Variants in SAP30L observed in about 807,000 individuals in gnomAD.
SAP30L encodes the protein histone deacetylase complex subunit SAP30L.
In SAP30L, 10 loss-of-function variants were observed where a neutral mutation model predicts 22.3. That is an observed-to-expected ratio of 0.45 (90% CI 0.28 to 0.76). The LOEUF is 0.76. Among genes scored for constraint, SAP30L ranks in the 30% least tolerant of loss-of-function variants. SAP30L has a pLI of 0.14. For missense variants in SAP30L, 206 were observed against 237.9 expected (o/e 0.87, Z 0.88); for synonymous variants, 91 against 94.1 (o/e 0.97, Z 0.19).
In SAP30L at chr5:154,457,560, A is replaced by G. The variant is rs1757289696; in HGVS notation, c.*1532A>G. ...ACTGAGCAGGGCGGCGGAGTGTCCA[A>G]AGGTCTCAGTTCTGTGGAGCAGAGT... On this transcript the variant is annotated 3_prime_UTR_variant, in exon 4 of 4. Coordinates refer to ENST00000297109, the MANE Select transcript of SAP30L (RefSeq NM_024632.6). The G allele has an allele frequency of 6.6e-6, 1 of 152,222 alleles. No homozygotes were observed. Among genetic ancestry groups the G allele is most frequent in the Non-Finnish European group, 1.5e-5 (1 of 68,050 alleles). The allele number at this position is 152,222 out of a possible 1,614,324, so 9.4% of individuals were successfully genotyped here. A position where few individuals can be genotyped will look rare whatever the true frequency, so the allele number is the denominator to read the frequency against.
intron 1 of SAP30L, among the ~76,000 whole-genome samples, chr5:154,449,427 C>G (rs1757093561): frequency 6.6e-6 from 1 of 152,180 alleles, no homozygotes; most frequent in Admixed American, 6.5e-5. Context: ...TGGGATTGCA[C>G]TAGTGATTGC....
At chr5:154,447,822 T>C (rs1757053301) in intron 1 of SAP30L, among the ~76,000 whole-genome samples, 1 of 152,124 alleles carries the variant, frequency 6.6e-6, no homozygotes, top group South Asian at 2.1e-4. Flanking sequence ...AGTGAGGGTG[T>C]CAGGTACACA....
At chr5:154,454,921 ATT>A (rs774810806) in intron 3 of SAP30L, among the ~76,000 whole-genome samples, 3 of 145,324 alleles carry the variant, frequency 2.1e-5, no homozygotes, top group African/African-American at 2.5e-5. Context: ...ATTTAACACA[ATT>A]TTTTTTTTTT....
rs761602893 is a variant in SAP30L at position 154,450,981 on chromosome 5, A to G, written c.202-110A>G. The G allele has an allele frequency of 2.6e-6, 3 of 1,157,392 alleles. No homozygotes were observed. In the Admixed American group the frequency reaches 6.1e-5, roughly 23 times the overall value. The allele number at this position is 1,157,392 out of a possible 1,614,324, so 71.7% of individuals were successfully genotyped here. On this transcript the variant is annotated intron_variant, in intron 1 of 3. Coordinates refer to ENST00000297109, the MANE Select transcript of SAP30L (RefSeq NM_024632.6). ...AATGATGGCCTACATCTTGTCTTCC[A>G]TCTATCTCTCCAATGCCCTGCAATG... is the stretch of plus-strand genomic sequence containing the variant.
intron 2 of SAP30L, among the ~76,000 whole-genome samples, chr5:154,451,995 T>G (rs2113274332): frequency 6.6e-6 from 1 of 152,310 alleles, no homozygotes. Flanking sequence ...CTGCCTTCCC[T>G]TCAGGTGCCC....
intron 2 of SAP30L, among the ~76,000 whole-genome samples, chr5:154,451,617 A>G (rs948090355): frequency 6.6e-6 from 1 of 152,156 alleles, no homozygotes; most frequent in Non-Finnish European, 1.5e-5. Flanking sequence ...TCCCCAAAAA[A>G]TGAAGGTGTA....
Position 154,456,011 on chromosome 5 carries a change from G to A in SAP30L, c.535G>A (p.Gly179Ser), listed in dbSNP as rs1280622717. ...KSRLDQKSEG[G>S]KQLE ...TAGACTGGACCAGAAATCGGAGGGT[G>A]GCAAGCAGCTTGAGTGAGGATGAAG... Residue 179 changes from glycine (G) to serine (S), a missense_variant, in exon 4 of 4, where the codon GGC (glycine) becomes AGC (serine). Transcript: ENST00000297109. The A allele has an allele frequency of 1.2e-6, 2 of 1,613,910 alleles. No individual in the cohort carries two copies. The highest frequency in any genetic ancestry group is 1.7e-4 in the Middle Eastern group (1 of 6,060).
intron 2 of SAP30L, among the ~76,000 whole-genome samples, chr5:154,452,118 A>G (rs988144530): frequency 6.6e-6 from 1 of 152,194 alleles, no homozygotes; most frequent in African/African-American, 2.4e-5. Flanking sequence ...TGAATATTTG[A>G]CACATGAATA....
Position 154,446,756 on chromosome 5 carries a change from T to G in SAP30L, c.152T>G (p.Val51Gly). The G allele has an allele frequency of 6.2e-7, 1 of 1,607,020 alleles. No individual in the cohort carries two copies. The highest frequency in any genetic ancestry group is 8.5e-7 in the Non-Finnish European group (1 of 1,178,454). ...PAGNASFSKRVQKSISQKKLK... is the reference protein window; with the variant it reads ...PAGNASFSKRGQKSISQKKLK... ...GGCAACGCCTCCTTCAGCAAGAGGG[T>G]CCAGAAGAGCATCTCGCAGAAGAAA... is the stretch of plus-strand genomic sequence containing the variant. Residue 51 changes from valine (V) to glycine (G), a missense_variant, in exon 1 of 4, where the codon GTC becomes GGC. By Grantham distance (109) the Val-to-Gly change is moderately radical. This residue lies in a region of SAP30L where 136 missense variants were observed against 187.4 expected (regional missense o/e 0.73). Transcript: ENST00000297109.
At position 154,453,445 on chromosome 5, in the gene SAP30L, A is replaced by G. The variant is rs1757195356; in HGVS notation, c.368A>G (p.Lys123Arg). The G allele has an allele frequency of 6.2e-7, 1 of 1,613,348 alleles. No homozygotes were observed. The highest frequency in any genetic ancestry group is 8.5e-7 in the Non-Finnish European group (1 of 1,179,544). The stretch of plus-strand genomic sequence containing the variant: ...CAGGTGAACACCCTACGACGTTATA[A>G]ACGACACTACAAGTTGCAGACCAGA... ...QLQVNTLRRY[K>R]RHYKLQTRPG... The change falls in exon 3 of 4, where the codon AAA (lysine) becomes AGA (arginine). Residue 123 changes from lysine (K) to arginine (R), a missense_variant. Lys to Arg is a conservative substitution (Grantham distance 26, BLOSUM62 2). Around this residue, in one of 2 missense-constraint regions of SAP30L, gnomAD observed 136 missense variants for 187.4 expected, o/e 0.73. Transcript: ENST00000297109.
intron 1 of SAP30L, 69 bp from the exon 2 acceptor site, chr5:154,451,022 A>G (rs1232001952): frequency 7.7e-6 from 12 of 1,564,054 alleles, no homozygotes; most frequent in Non-Finnish European, 1.1e-5. Flanking sequence ...AAGCCCCGCA[A>G]TTCGACAGAT....
At position 154,446,594 on chromosome 5, in the gene SAP30L, G is replaced by T; in HGVS notation, c.-11G>T. ...GACCCTCCCCCAGAGGGACCGGCCC[G>T]GGGCGGGGAGATGAACGGCTTCAGC... is the stretch of plus-strand genomic sequence containing the variant. On this transcript the variant is annotated 5_prime_UTR_variant, in exon 1 of 4. Coordinates refer to ENST00000297109, the MANE Select transcript of SAP30L (RefSeq NM_024632.6). 9 of 1,467,050 alleles carry T rather than the reference G, an allele frequency of 6.1e-6. No individual in the cohort carries two copies. Among genetic ancestry groups the T allele is most frequent in the Non-Finnish European group, 8.1e-6 (9 of 1,113,676 alleles). 90.9% of individuals were successfully genotyped at this position (1,467,050 alleles called of 1,614,324 possible). A position where few individuals can be genotyped will look rare whatever the true frequency, so the allele number is the denominator to read the frequency against.
rs1455846927 is a variant in SAP30L, at chr5:154,451,204, C to T, written c.315C>T (p.Asp105=). ...GAGATTCTCCCGAGCACGACACTGACATTCCTGAGGTAAAGGTCAAAGAAA... is the reference window on the plus strand; with the variant it reads ...GAGATTCTCCCGAGCACGACACTGATATTCCTGAGGTAAAGGTCAAAGAAA... The part of the protein sequence containing the change: ...DGGDSPEHDT[D]IPEVDLFQLQ... Residue 105 remains aspartate, a synonymous_variant, in exon 2 of 4, where the codon GAC becomes GAT. Coordinates refer to ENST00000297109, the MANE Select transcript of SAP30L (RefSeq NM_024632.6). 3 of 1,613,672 alleles carry T rather than the reference C, an allele frequency of 1.9e-6. No individual in the cohort carries two copies. Among genetic ancestry groups the T allele is most frequent in the African/African-American group, 1.3e-5 (1 of 74,894 alleles).
intron 1 of SAP30L, among the ~76,000 whole-genome samples, chr5:154,447,661 G>A (rs1350826907): frequency 6.6e-6 from 1 of 152,208 alleles, no homozygotes; most frequent in Non-Finnish European, 1.5e-5. Flanking sequence ...TATTCAGGTA[G>A]ACTAGCTAAG....
In SAP30L at chr5:154,446,381, C is replaced by G. The variant is rs1757003243; in HGVS notation, c.-224C>G. The G allele has an allele frequency of 2.5e-6, 1 of 399,056 alleles. No individual in the cohort carries two copies. The highest frequency in any genetic ancestry group is 2.1e-5 in the African/African-American group (1 of 47,874). The allele number at this position is 399,056 out of a possible 1,614,324, so 24.7% of individuals were successfully genotyped here. ...GCGGGGCCCTGCGAGCCGCGGGAGC[C>G]GACCCCGGGGCCTCGAGCCGGGAGG... On this transcript the variant is annotated 5_prime_UTR_variant, in exon 1 of 4. Transcript: ENST00000297109.
intron 3 of SAP30L, 107 bp downstream of exon 3, chr5:154,453,607 G>T: frequency 1.2e-6 from 1 of 809,858 alleles, no homozygotes. Flanking sequence ...ATTTCCTCCA[G>T]AGTTCTGGAA....
In SAP30L at chr5:154,460,582, A is replaced by G. The variant is rs1322182684; in HGVS notation, c.*4554A>G. 6.6e-6 allele frequency: 1 copy of G among 152,174 alleles called. No homozygotes were observed. Among genetic ancestry groups the G allele is most frequent in the Non-Finnish European group, 1.5e-5 (1 of 68,022 alleles). The allele number at this position is 152,174 out of a possible 1,614,324, so 9.4% of individuals were successfully genotyped here. On this transcript the variant is annotated 3_prime_UTR_variant, in exon 4 of 4. Coordinates refer to ENST00000297109, the MANE Select transcript of SAP30L (RefSeq NM_024632.6). ...AGTGGGTCTGGTGTTTTGAGGTAGAACCCAGCCTAGGGCAAGATATGAACT... is the reference window on the plus strand; with the variant it reads ...AGTGGGTCTGGTGTTTTGAGGTAGAGCCCAGCCTAGGGCAAGATATGAACT...
chr5:154,446,492 G>A lies in SAP30L; in HGVS notation c.-113G>A, dbSNP rs956850292. 4.4e-5 allele frequency: 39 copies of A among 882,376 alleles called. No individual in the cohort carries two copies. Among genetic ancestry groups the A allele is most frequent in the Non-Finnish European group, 5.3e-5 (34 of 635,582 alleles). 54.7% of individuals were successfully genotyped at this position (882,376 alleles called of 1,614,324 possible). ...GCAGGGCAGCGCCCGGGCTGGAGACGGACTCTGGGACCCTCGGCTGCGGGG... is the reference window on the plus strand; with the variant it reads ...GCAGGGCAGCGCCCGGGCTGGAGACAGACTCTGGGACCCTCGGCTGCGGGG... On this transcript the variant is annotated 5_prime_UTR_variant, in exon 1 of 4. Transcript: ENST00000297109.
Position 154,459,303 on chromosome 5 carries a change from G to C in SAP30L, c.*3275G>C, listed in dbSNP as rs940926593. 2 of 152,250 alleles carry C rather than the reference G, an allele frequency of 1.3e-5. No homozygotes were observed. Among genetic ancestry groups the C allele is most frequent in the African/African-American group, 4.8e-5 (2 of 41,474 alleles). 9.4% of individuals were successfully genotyped at this position (152,250 alleles called of 1,614,324 possible). On this transcript the variant is annotated 3_prime_UTR_variant, in exon 4 of 4. Coordinates refer to ENST00000297109, the MANE Select transcript of SAP30L (RefSeq NM_024632.6). ...ATTCTGCCTACAACCATCCCACCAA[G>C]GGGTTGAGCAGTCTGGACTTAAACA...
Sources: allele counts gnomAD v4.1 joint callset (sites outside exome capture counted in the v4.1 genomes callset), GRCh38; gene constraint gnomAD v4.1.1; regional missense constraint gnomAD v4.1.1; transcripts MANE v1.5; gene names NCBI Gene and HGNC (gene_info 2026-07-23, HGNC 2026-07-21).